Variants in CCDC68 observed in about 807,000 individuals in gnomAD.
CCDC68 encodes the protein coiled-coil domain containing 68, also known as coiled-coil domain-containing protein 68.
Under a neutral mutation model 47.1 loss-of-function variants are expected in CCDC68, and 45 were observed. The observed-to-expected ratio is 0.96, with a 90% CI of 0.75 to 1.23. The LOEUF (loss-of-function observed/expected upper bound fraction) is 1.23, where lower values mean the gene tolerates loss of function less well. Among genes scored for constraint, CCDC68 ranks in the 50% most tolerant of loss-of-function variants. CCDC68 has a pLI of 0.00. For synonymous variants in CCDC68, 131 were observed against 129.5 expected (o/e 1.01, Z -0.08); for missense variants, 353 against 373.6 (o/e 0.94, Z 0.45).
intron 1 of CCDC68, among the ~76,000 whole-genome samples, chr18:54,957,114 C>T (rs2044724547): frequency 6.6e-6 from 1 of 151,948 alleles, no homozygotes; most frequent in African/African-American, 2.4e-5. Context: ...TATTGTCATC[C>T]ATACTACAAG....
At chr18:54,933,453 G>A (rs550221242) in intron 7 of CCDC68, among the ~76,000 whole-genome samples, 46 of 152,286 alleles carry the variant, frequency 3.0e-4, no homozygotes, top group Non-Finnish European at 4.9e-4. Flanking sequence ...TTGAGATGGC[G>A]TGAGCTCTAG....
intron 1 of CCDC68, among the ~76,000 whole-genome samples, chr18:54,952,710 A>G (rs145625675): frequency 1.0e-3 from 158 of 152,234 alleles, no homozygotes; most frequent in African/African-American, 3.7e-3. Context: ...GGTGAATACA[A>G]CTCCTCATTA....
At chr18:54,942,382 T>C (rs973352907) in intron 3 of CCDC68, among the ~76,000 whole-genome samples, 3 of 152,138 alleles carry the variant, frequency 2.0e-5, no homozygotes, top group Non-Finnish European at 4.4e-5. Flanking sequence ...AATCCAGTGG[T>C]GAATAGTGAG....
At chr18:54,930,695 CCT>C (rs773697746) in intron 7 of CCDC68, among the ~76,000 whole-genome samples, 66 of 73,878 alleles carry the variant, frequency 8.9e-4, no homozygotes, top group Non-Finnish European at 9.7e-4. Flanking sequence ...TCCCTCCCTC[CCT>C]CTCTCTCTCT....
chr18:54,933,466 T>C (rs9964104), intron 7 of CCDC68, among the ~76,000 whole-genome samples: 58,242 of 152,052 alleles, frequency 0.38, 11,388 homozygotes, highest in East Asian at 0.59. Context: ...AGCTCTAGAC[T>C]AAACTTAAAT....
In CCDC68 at chr18:54,936,088, A is replaced by T. The variant is rs894359302; in HGVS notation, c.471+745T>A. Among the ~76,000 whole-genome samples the T allele has an allele frequency of 4.1e-5, 6 of 147,142 alleles. No individual in the cohort carries two copies. In the East Asian group the frequency reaches 7.8e-4, roughly 19 times the overall value. ...ATAAAAGCATCTAAATTTATATTTTAAAAAATATATAACTATATTATTTAT... is the reference window on the plus strand; with the variant it reads ...ATAAAAGCATCTAAATTTATATTTTTAAAAATATATAACTATATTATTTAT... On this transcript the variant is annotated intron_variant, in intron 6 of 11. Coordinates refer to ENST00000591504, the MANE Select transcript of CCDC68 (RefSeq NM_025214.3).
At chr18:54,923,663 C>A (rs1213766804) in intron 8 of CCDC68, among the ~76,000 whole-genome samples, 2 of 151,912 alleles carry the variant, frequency 1.3e-5, no homozygotes, top group African/African-American at 4.8e-5. Flanking sequence ...AAGTAAGCTG[C>A]CACTTGATCT....
intron 10 of CCDC68, among the ~76,000 whole-genome samples, chr18:54,917,118 C>A (rs2043967903): frequency 6.6e-6 from 1 of 152,026 alleles, no homozygotes; most frequent in Non-Finnish European, 1.5e-5. Context: ...TAGAGGGGTC[C>A]TGAGGAAAGG....
chr18:54,929,741 G>A (rs2044212025), intron 7 of CCDC68, among the ~76,000 whole-genome samples: 1 of 152,212 alleles, frequency 6.6e-6, no homozygotes. Context: ...CAGCATCTGA[G>A]TGAGTGGTAC....
intron 1 of CCDC68, among the ~76,000 whole-genome samples, chr18:54,957,184 TA>T (rs1429716995): frequency 1.8e-4 from 28 of 152,362 alleles, no homozygotes; most frequent in Admixed American, 1.1e-3. Flanking sequence ...TAATATTTCA[TA>T]ACATTAAGCC....
At chr18:54,925,614 G>T (rs1341261454) in intron 8 of CCDC68, among the ~76,000 whole-genome samples, 1 of 152,206 alleles carries the variant, frequency 6.6e-6, no homozygotes, top group Non-Finnish European at 1.5e-5. Flanking sequence ...AATGTGAATA[G>T]CCCTACATAG....
chr18:54,906,883 A>G (rs1047775724), intron 11 of CCDC68, among the ~76,000 whole-genome samples: 24 of 152,230 alleles, frequency 1.6e-4, no homozygotes, highest in Non-Finnish European at 1.6e-4. Flanking sequence ...CTCTAATTAC[A>G]TACATCATTA....
intron 5 of CCDC68, 83 bp from the exon 6 acceptor site, chr18:54,937,041 C>T (rs2044361941): frequency 3.0e-6 from 4 of 1,319,206 alleles, no homozygotes; most frequent in Admixed American, 3.4e-5. Context: ...CAATTAAGAA[C>T]ACCAAAGGTA....
In CCDC68 at chr18:54,946,178, T is replaced by C. The variant is rs545008916; in HGVS notation, c.-102-701A>G. ...ATATGAAGTTCAAATGTAGTGCCTA[T>C]AAATGAAGTTTTACTCTAATACAAG... is the stretch of plus-strand genomic sequence containing the variant. On this transcript the variant is annotated intron_variant, in intron 1 of 11. Coordinates refer to ENST00000591504, the MANE Select transcript of CCDC68 (RefSeq NM_025214.3). Among the ~76,000 whole-genome samples the C allele has an allele frequency of 2.0e-5, 3 of 152,372 alleles. No homozygotes were observed. In the South Asian group the frequency reaches 6.2e-4, roughly 32 times the overall value.
intron 1 of CCDC68, among the ~76,000 whole-genome samples, chr18:54,946,234 G>A (rs1037041730): frequency 5.3e-5 from 8 of 152,120 alleles, no homozygotes; most frequent in African/African-American, 1.4e-4. Flanking sequence ...CTTTTATGTC[G>A]CTTTGGCGCC....
At position 54,907,718 on chromosome 18, in the gene CCDC68, G is replaced by A; in HGVS notation, c.950+68C>T. ...AGTGACAGACTGGAATCTTTCTTGAGTGGGTTGAATGTCTAACATGTTCAA... is the reference window on the plus strand; with the variant it reads ...AGTGACAGACTGGAATCTTTCTTGAATGGGTTGAATGTCTAACATGTTCAA... On this transcript the variant is annotated intron_variant, in intron 11 of 11. Coordinates refer to ENST00000591504, the MANE Select transcript of CCDC68 (RefSeq NM_025214.3). 9.5e-6 allele frequency: 8 copies of A among 844,972 alleles called. No homozygotes were observed. The South Asian group carries it at 1.1e-4, about 12-fold the overall frequency. The allele number at this position is 844,972 out of a possible 1,614,324, so 52.3% of individuals were successfully genotyped here. A position where few individuals can be genotyped will look rare whatever the true frequency, so the allele number is the denominator to read the frequency against.
At chr18:54,914,738 A>G (rs751347279) in intron 10 of CCDC68, among the ~76,000 whole-genome samples, 6 of 152,216 alleles carry the variant, frequency 3.9e-5, no homozygotes, top group Non-Finnish European at 7.3e-5. Context: ...GCCACAAACC[A>G]AGAAGTTTTC....
In CCDC68 at chr18:54,917,891, G is replaced by A. The variant is rs149615640; in HGVS notation, c.873+22C>T. 2.1e-5 allele frequency: 30 copies of A among 1,422,280 alleles called. No homozygotes were observed. In the East Asian group the frequency reaches 6.8e-4, roughly 32 times the overall value. The allele number at this position is 1,422,280 out of a possible 1,614,324, so 88.1% of individuals were successfully genotyped here. Reference sequence around the variant, plus strand: ...CACACTCACACCCTCACAACAAAATGTAAGACAGGTTCCCTCCTTACCTGG... The same window carrying A: ...CACACTCACACCCTCACAACAAAATATAAGACAGGTTCCCTCCTTACCTGG... On this transcript the variant is annotated intron_variant, in intron 10 of 11. Transcript: ENST00000591504.
At chr18:54,937,097 A>C (rs1372342749) in intron 5 of CCDC68, 139 bp from the exon 6 acceptor site, 4 of 741,852 alleles carry the variant, frequency 5.4e-6, no homozygotes. Flanking sequence ...ACGAGAGAAG[A>C]CACTGTTATT....
Sources: allele counts gnomAD v4.1 joint callset (sites outside exome capture counted in the v4.1 genomes callset), GRCh38; gene constraint gnomAD v4.1.1; transcripts MANE v1.5; gene names NCBI Gene and HGNC (gene_info 2026-07-23, HGNC 2026-07-21).